Variants in SLC14A2 observed in about 807,000 individuals in gnomAD.
SLC14A2 encodes the protein urea transporter 2.
Under a neutral mutation model 104.6 loss-of-function variants are expected in SLC14A2, and 91 were observed. That is an observed-to-expected ratio of 0.87 (90% CI 0.73 to 1.04). The LOEUF (loss-of-function observed/expected upper bound fraction) is 1.04. SLC14A2 is among the 50% of genes least tolerant of loss of function. The probability of loss-of-function intolerance (pLI) is 0.00; values close to 1 mark genes in which losing one functional copy is unlikely to be tolerated. For missense variants in SLC14A2, 1,189 were observed against 1,156.0 expected (o/e 1.03, Z -0.41); for synonymous variants, 476 against 466.4 (o/e 1.02, Z -0.27).
intron 2 of SLC14A2, among the ~76,000 whole-genome samples, chr18:45,578,692 T>C (rs2044448067): frequency 6.6e-6 from 1 of 152,244 alleles, no homozygotes; most frequent in African/African-American, 2.4e-5. Flanking sequence ...AGACATAGCA[T>C]TGAATTAGGA....
chr18:45,512,808 TG>T (rs1375147379), intron 2 of SLC14A2, among the ~76,000 whole-genome samples: 1 of 152,114 alleles, frequency 6.6e-6, no homozygotes, highest in Admixed American at 6.5e-5. Flanking sequence ...ATTACTGGAT[TG>T]GGGGGAGCTG....
At chr18:45,320,279 C>T (rs1468565157) in intron 1 of SLC14A2, among the ~76,000 whole-genome samples, 1 of 152,150 alleles carries the variant, frequency 6.6e-6, no homozygotes, top group Non-Finnish European at 1.5e-5. Context: ...GCACATCTTT[C>T]ATTTTCTAAA....
At chr18:45,641,153 G>T in intron 7 of SLC14A2, 56 bp from the exon 8 acceptor site, 1 of 1,592,062 alleles carries the variant, frequency 6.3e-7, no homozygotes, top group Non-Finnish European at 8.6e-7. Context: ...CAGTCCCAGG[G>T]TGGTCTTTGT....
chr18:45,424,032 C>CCAAT (rs1418831881), intron 1 of SLC14A2: 1 of 152,192 alleles, frequency 6.6e-6, no homozygotes, highest in African/African-American at 2.4e-5. Flanking sequence ...GATATGCTAA[C>CCAAT]CAATGCCACT....
chr18:45,324,701 A>C (rs932171137), intron 1 of SLC14A2, among the ~76,000 whole-genome samples: 7 of 151,934 alleles, frequency 4.6e-5, no homozygotes, highest in African/African-American at 1.5e-4. Flanking sequence ...AAATGCTATG[A>C]ATGTTTTATC....
At chr18:45,181,951 GTACAAT>G in the SLC14A2 span, among the ~76,000 whole-genome samples, 44 of 152,136 alleles carry the variant, frequency 2.9e-4, no homozygotes, top group Admixed American at 2.0e-3. Flanking sequence ...GAAATCAAAA[GTACAAT>G]TACAAACTGG....
chr18:45,664,497 C>A (rs1056382697), intron 11 of SLC14A2, among the ~76,000 whole-genome samples: 1 of 152,182 alleles, frequency 6.6e-6, no homozygotes, highest in Admixed American at 6.5e-5. Context: ...CAACCAGCTG[C>A]AAGGTTGGAG....
intron 2 of SLC14A2, among the ~76,000 whole-genome samples, chr18:45,580,765 C>A (rs2044479667): frequency 1.3e-5 from 2 of 152,034 alleles, no homozygotes; most frequent in South Asian, 4.2e-4. Context: ...GGGTAAGGGG[C>A]AAAGCTGAGA....
At chr18:45,240,814 T>C (rs950155251) in intron 1 of SLC14A2, among the ~76,000 whole-genome samples, 2 of 151,812 alleles carry the variant, frequency 1.3e-5, no homozygotes, top group Non-Finnish European at 2.9e-5. Flanking sequence ...CCCGCCACTA[T>C]GCCCGGCTCA....
chr18:45,419,416 C>G (rs917828968), intron 1 of SLC14A2, among the ~76,000 whole-genome samples: 7 of 152,220 alleles, frequency 4.6e-5, no homozygotes, highest in African/African-American at 1.7e-4. Context: ...GAATATCAAA[C>G]TATTGAGAAA....
intron 1 of SLC14A2, among the ~76,000 whole-genome samples, chr18:45,478,047 C>T (rs751071728): frequency 9.9e-5 from 15 of 152,222 alleles, no homozygotes; most frequent in Non-Finnish European, 1.9e-4. Context: ...AAAACTCCTG[C>T]AGCTAGCTTG....
At chr18:45,517,309 A>G (rs2144800938) in intron 2 of SLC14A2, among the ~76,000 whole-genome samples, 1 of 152,276 alleles carries the variant, frequency 6.6e-6, no homozygotes, top group East Asian at 1.9e-4. Flanking sequence ...TGAGTTTGGC[A>G]GGAATTCCGA....
intron 1 of SLC14A2, among the ~76,000 whole-genome samples, chr18:45,296,460 G>A (rs958399427): frequency 3.9e-5 from 6 of 152,242 alleles, no homozygotes; most frequent in African/African-American, 1.4e-4. Flanking sequence ...GAGCCAAGAT[G>A]TGAAGCTAAC....
intron 1 of SLC14A2, among the ~76,000 whole-genome samples, chr18:45,453,919 G>T (rs1349623131): frequency 6.8e-6 from 1 of 147,238 alleles, no homozygotes; most frequent in Non-Finnish European, 1.5e-5. Context: ...CAGTGCAGTG[G>T]CATGATCTCG....
At chr18:45,446,973 G>C (rs991006511) in intron 1 of SLC14A2, among the ~76,000 whole-genome samples, 3 of 152,080 alleles carry the variant, frequency 2.0e-5, no homozygotes, top group African/African-American at 7.2e-5. Context: ...TGTCCTAAAA[G>C]AAGCAGAGGA....
the SLC14A2 span, among the ~76,000 whole-genome samples, chr18:45,180,397 T>C: frequency 2.0e-5 from 3 of 152,190 alleles, no homozygotes; most frequent in Admixed American, 2.0e-4. Context: ...ACCATGCAGG[T>C]ATTTGTTGAT....
At chr18:45,633,985 C>T (rs1248904734) in intron 5 of SLC14A2, among the ~76,000 whole-genome samples, 1 of 152,188 alleles carries the variant, frequency 6.6e-6, no homozygotes, top group Non-Finnish European at 1.5e-5. Flanking sequence ...ATTTGCAATA[C>T]ATTTGGTTTA....
intron 1 of SLC14A2, among the ~76,000 whole-genome samples, chr18:45,226,333 G>T (rs2084116324): frequency 6.6e-6 from 1 of 152,122 alleles, no homozygotes; most frequent in South Asian, 2.1e-4. Flanking sequence ...ATACCCAAAG[G>T]ATTATAAATC....
intron 1 of SLC14A2, among the ~76,000 whole-genome samples, chr18:45,367,689 T>C (rs1489766138): frequency 6.6e-6 from 1 of 152,182 alleles, no homozygotes; most frequent in East Asian, 1.9e-4. Context: ...AGCTTAATAT[T>C]GGCCATGATT....
Sources: allele counts gnomAD v4.1 joint callset (sites outside exome capture counted in the v4.1 genomes callset), GRCh38; gene constraint gnomAD v4.1.1; transcripts MANE v1.5; gene names NCBI Gene and HGNC (gene_info 2026-07-23, HGNC 2026-07-21).